SLC4A5: variants seen among roughly 807,000 people sequenced by gnomAD.
The protein encoded by SLC4A5 is electrogenic sodium bicarbonate cotransporter 4.
A neutral mutation model predicts 120.4 loss-of-function variants in SLC4A5; 96 were observed. That is an observed-to-expected ratio of 0.80 (90% CI 0.68 to 0.94). The LOEUF (loss-of-function observed/expected upper bound fraction) is 0.94, where lower values mean the gene tolerates loss of function less well. Ranked by LOEUF, SLC4A5 falls within the 40% of genes least tolerant of loss-of-function variation. The pLI, the probability that SLC4A5 is intolerant of heterozygous loss-of-function variation, is 0.00. For synonymous variants in SLC4A5, 550 were observed against 571.1 expected (o/e 0.96, Z 0.53); for missense variants, 1,259 against 1,459.5 (o/e 0.86, Z 2.24).
intron 7 of SLC4A5, among the ~76,000 whole-genome samples, chr2:74,304,225 A>C (rs981573838): frequency 6.6e-6 from 1 of 152,198 alleles, no homozygotes; most frequent in Non-Finnish European, 1.5e-5. Context: ...AATTCTGAGA[A>C]TCAAACCATG....
intron 7 of SLC4A5, 93 bp downstream of exon 7, chr2:74,304,396 C>T: frequency 7.6e-7 from 1 of 1,307,510 alleles, no homozygotes. Flanking sequence ...GAGCGTTACC[C>T]ACATTCTCCA....
At chr2:74,243,890 AGT>A (rs1670525160) in intron 19 of SLC4A5, among the ~76,000 whole-genome samples, 1 of 152,242 alleles carries the variant, frequency 6.6e-6, no homozygotes, top group South Asian at 2.1e-4. Flanking sequence ...CAGCCAAATC[AGT>A]GTGTGCAGCA....
intron 9 of SLC4A5, 65 bp from the exon 10 acceptor site, chr2:74,264,364 C>A: frequency 6.6e-7 from 1 of 1,522,178 alleles, no homozygotes; most frequent in Non-Finnish European, 8.9e-7. Flanking sequence ...TGGAAGTCTT[C>A]AGTTTCACCT....
rs1200028272 is a variant in SLC4A5 at position 74,220,526 on chromosome 2, TC to T, written c.*33+907del. 4.6e-5 allele frequency among the ~76,000 whole-genome samples: 7 copies of T among 152,290 alleles called. No homozygotes were observed. The South Asian group carries it at 1.0e-3, about 23-fold the overall frequency. ...CTAGTTTTTCTGTTTTCTTTTTTTT[TC>T]TTTTTTTGAGATGGAGTCTTGCTCT... On this transcript the variant is annotated intron_variant, in intron 30 of 30. Coordinates refer to ENST00000394019, the Ensembl canonical transcript of SLC4A5.
chr2:74,306,285 C>G (rs1179109389), intron 6 of SLC4A5, among the ~76,000 whole-genome samples: 1 of 152,150 alleles, frequency 6.6e-6, no homozygotes, highest in African/African-American at 2.4e-5. Context: ...CTGAGATAAC[C>G]TCCCCTCTGG....
chr2:74,218,145 CAG>C (rs1017997838), exon 31 of SLC4A5: 1 of 152,160 alleles, frequency 6.6e-6, no homozygotes, highest in Non-Finnish European at 1.5e-5. Context: ...TTGGATGTGA[CAG>C]GGAGAAAAGA....
intron 7 of SLC4A5, among the ~76,000 whole-genome samples, chr2:74,296,697 G>A (rs945730953): frequency 5.3e-5 from 8 of 150,294 alleles, no homozygotes; most frequent in Non-Finnish European, 1.0e-4. Context: ...GCTGAGGCAG[G>A]AGAATTGCTT....
At chr2:74,252,743 T>C (rs1343484225) in intron 15 of SLC4A5, among the ~76,000 whole-genome samples, 2 of 152,072 alleles carry the variant, frequency 1.3e-5, no homozygotes, top group African/African-American at 2.4e-5. Context: ...CATGCCACCA[T>C]GCCCAGTTAA....
chr2:74,318,380 A>G (rs1160024128), intron 5 of SLC4A5, among the ~76,000 whole-genome samples: 1 of 152,182 alleles, frequency 6.6e-6, no homozygotes, highest in Admixed American at 6.6e-5. Context: ...CACCAGCCAG[A>G]ATGGCTATTA....
intron 8 of SLC4A5, among the ~76,000 whole-genome samples, chr2:74,271,532 C>T (rs1671474935): frequency 6.6e-6 from 1 of 152,022 alleles, no homozygotes; most frequent in Non-Finnish European, 1.5e-5. Flanking sequence ...AGGCTCAGTG[C>T]CTAAATTAAT....
intron 5 of SLC4A5, among the ~76,000 whole-genome samples, chr2:74,318,134 G>GA (rs538896891): frequency 6.0e-5 from 9 of 150,158 alleles, no homozygotes; most frequent in East Asian, 3.9e-4. Context: ...CCTACAGAAT[G>GA]AAAAAAAAAT....
chr2:74,220,187 T>G (rs1416500267), intron 30 of SLC4A5, among the ~76,000 whole-genome samples: 1 of 152,198 alleles, frequency 6.6e-6, no homozygotes, highest in African/African-American at 2.4e-5. Flanking sequence ...AATTCATCTT[T>G]TCTGTGTTTG....
intron 7 of SLC4A5, among the ~76,000 whole-genome samples, chr2:74,299,473 T>G (rs1672417218): frequency 6.6e-6 from 1 of 152,240 alleles, no homozygotes; most frequent in Admixed American, 6.5e-5. Flanking sequence ...CTGCCGTGAT[T>G]GTGAGCCCTC....
chr2:74,266,061 T>C (rs1671291648), intron 8 of SLC4A5, among the ~76,000 whole-genome samples: 1 of 152,222 alleles, frequency 6.6e-6, no homozygotes, highest in Non-Finnish European at 1.5e-5. Context: ...ACCATGACTA[T>C]CTAATTCTAA....
chr2:74,296,951 T>C (rs142435556), intron 7 of SLC4A5, among the ~76,000 whole-genome samples: 1 of 152,270 alleles, frequency 6.6e-6, no homozygotes, highest in Non-Finnish European at 1.5e-5. Flanking sequence ...ACATGAAACA[T>C]GTCTTTGGTC....
intron 8 of SLC4A5, among the ~76,000 whole-genome samples, chr2:74,266,055 T>C (rs952299201): frequency 1.3e-5 from 2 of 152,192 alleles, no homozygotes; most frequent in East Asian, 3.8e-4. Flanking sequence ...TTTTGGACCA[T>C]GACTATCTAA....
At chr2:74,330,186 G>A (rs1332621858) in intron 4 of SLC4A5, among the ~76,000 whole-genome samples, 2 of 151,498 alleles carry the variant, frequency 1.3e-5, no homozygotes, top group Non-Finnish European at 2.9e-5. Context: ...AGATGGAGGT[G>A]TGTGATATAG....
intron 8 of SLC4A5, among the ~76,000 whole-genome samples, chr2:74,285,228 G>A (rs775942996): frequency 5.9e-5 from 9 of 152,100 alleles, no homozygotes; most frequent in Admixed American, 5.2e-4. Flanking sequence ...AAGCCTGGGC[G>A]ACATAATGAG....
At chr2:74,329,731 A>G (rs115078618) in intron 4 of SLC4A5, among the ~76,000 whole-genome samples, 5,922 of 151,826 alleles carry the variant, frequency 0.039, 395 homozygotes, top group African/African-American at 0.14. Flanking sequence ...GGTATGGGGT[A>G]TAGATGGAGG....
Sources: gnomAD v4.1 joint callset for allele counts (sites outside exome capture counted in the v4.1 genomes callset) on GRCh38, gnomAD v4.1.1 for gene constraint, MANE v1.5 for transcripts, NCBI Gene and HGNC (gene_info 2026-07-23, HGNC 2026-07-21) for gene names.